MAGI2: variants seen among roughly 807,000 people sequenced by gnomAD.
The protein encoded by MAGI2 is membrane associated guanylate kinase, WW and PDZ domain containing 2.
A neutral mutation model predicts 133.3 loss-of-function variants in MAGI2; 35 were observed. That is an observed-to-expected ratio of 0.26 (90% confidence interval 0.20 to 0.35). MAGI2 has a LOEUF of 0.35. Ranked by LOEUF, MAGI2 falls within the 10% of genes least tolerant of loss-of-function variation. The pLI is 1.00. For synonymous variants in MAGI2, 729 were observed against 710.6 expected (o/e 1.03, Z -0.41); for missense variants, 1,636 against 1,863.4 (o/e 0.88, Z 2.25).
intron 3 of MAGI2, among the ~76,000 whole-genome samples, chr7:78,532,660 A>G (rs1320778631): frequency 1.3e-5 from 2 of 152,250 alleles, no homozygotes; most frequent in Non-Finnish European, 1.5e-5. Context: ...ACACAAACAT[A>G]AAGCCTACGT....
At chr7:78,784,012 A>G (rs1436939708) in intron 2 of MAGI2, among the ~76,000 whole-genome samples, 1 of 152,148 alleles carries the variant, frequency 6.6e-6, no homozygotes, top group East Asian at 1.9e-4. Flanking sequence ...AAAGAAGTTG[A>G]CATGTTTTTG....
intron 1 of MAGI2, among the ~76,000 whole-genome samples, chr7:79,134,337 CT>C (rs1193104132): frequency 2.0e-5 from 3 of 152,176 alleles, no homozygotes; most frequent in Non-Finnish European, 4.4e-5. Context: ...ATCAAACCCT[CT>C]TTAGTACTGA....
intron 5 of MAGI2, among the ~76,000 whole-genome samples, chr7:78,491,578 G>C (rs576252462): frequency 6.6e-6 from 1 of 152,196 alleles, no homozygotes. Flanking sequence ...ATCAACAGGA[G>C]AGCATGCCAG....
intron 1 of MAGI2, among the ~76,000 whole-genome samples, chr7:79,418,857 A>G (rs1339967079): frequency 1.5e-5 from 2 of 134,086 alleles, no homozygotes; most frequent in African/African-American, 3.4e-5. Flanking sequence ...ACACACACAC[A>G]CACACACACA....
chr7:78,502,562 A>T (rs1794716009), intron 4 of MAGI2, among the ~76,000 whole-genome samples: 1 of 133,414 alleles, frequency 7.5e-6, no homozygotes, highest in Admixed American at 7.5e-5. Context: ...CTTTCATAAT[A>T]GTATATTGTT....
intron 3 of MAGI2, among the ~76,000 whole-genome samples, chr7:78,614,109 A>G (rs1027620875): frequency 5.7e-5 from 1 of 17,614 alleles, no homozygotes; most frequent in African/African-American, 1.6e-4. Context: ...GACTTCATCT[A>G]AAAAAAAAAA....
At chr7:79,433,214 G>C (rs918346007) in intron 1 of MAGI2, among the ~76,000 whole-genome samples, 13 of 152,076 alleles carry the variant, frequency 8.5e-5, no homozygotes, top group Non-Finnish European at 1.9e-4. Context: ...TAGGGCAATG[G>C]GGTCTGACAG....
intron 6 of MAGI2, among the ~76,000 whole-genome samples, chr7:78,438,008 T>C (rs922344103): frequency 6.6e-6 from 1 of 152,186 alleles, no homozygotes; most frequent in African/African-American, 2.4e-5. Flanking sequence ...AACCAACAGT[T>C]TGTTATTAGT....
intron 2 of MAGI2, among the ~76,000 whole-genome samples, chr7:78,996,987 G>A (rs1279198647): frequency 6.6e-6 from 1 of 152,034 alleles, no homozygotes; most frequent in South Asian, 2.1e-4. Context: ...AAATAAAGAT[G>A]AGTTTAAAAA....
At position 79,119,088 on chromosome 7, in the gene MAGI2, A is replaced by T. The variant is rs115318758; in HGVS notation, c.302-111882T>A. On this transcript the variant is annotated intron_variant, in intron 1 of 21. Transcript: ENST00000354212. ...TTTATTTTCCCTATAAAAATACATA[A>T]ATATATAGATTCACTGTGCATAAAT... Among the ~76,000 whole-genome samples the T allele has an allele frequency of 2.7e-3, 418 of 152,240 alleles. 3 individuals are homozygous for T. The highest frequency in any genetic ancestry group is 9.5e-3 in the African/African-American group (394 of 41,574).
chr7:78,167,012 A>C (rs553217239), intron 15 of MAGI2, among the ~76,000 whole-genome samples: 2 of 152,106 alleles, frequency 1.3e-5, no homozygotes, highest in African/African-American at 2.4e-5. Flanking sequence ...GGTCCTTCCT[A>C]CTTCTAGTAT....
At chr7:78,444,402 G>A (rs972625695) in intron 6 of MAGI2, among the ~76,000 whole-genome samples, 7 of 151,952 alleles carry the variant, frequency 4.6e-5, no homozygotes, top group African/African-American at 1.7e-4. Flanking sequence ...GCTTTAGGTC[G>A]AGTTTTAATA....
chr7:79,298,425 C>T (rs12666243), intron 1 of MAGI2, among the ~76,000 whole-genome samples: 57,468 of 151,876 alleles, frequency 0.38, 12,040 homozygotes, highest in African/African-American at 0.54. Context: ...CTTTTAGGAA[C>T]AAGCTAGTGA....
chr7:78,983,808 C>G (rs1197794708), intron 2 of MAGI2, among the ~76,000 whole-genome samples: 1 of 151,870 alleles, frequency 6.6e-6, no homozygotes, highest in Non-Finnish European at 1.5e-5. Flanking sequence ...AATTGAAGTA[C>G]CTAGGGCTCA....
At chr7:78,951,314 T>C (rs1381685892) in intron 2 of MAGI2, among the ~76,000 whole-genome samples, 1 of 152,104 alleles carries the variant, frequency 6.6e-6, no homozygotes, top group African/African-American at 2.4e-5. Flanking sequence ...TCTGTTCAAA[T>C]GCTGCTATGA....
rs114110414 is a variant in MAGI2 at position 79,149,837 on chromosome 7, T to C, written c.302-142631A>G. Among the ~76,000 whole-genome samples the C allele has an allele frequency of 3.6e-3, 548 of 152,204 alleles. 3 individuals are homozygous for C. Among genetic ancestry groups the C allele is most frequent in the African/African-American group, 0.013 (520 of 41,534 alleles). On this transcript the variant is annotated intron_variant, in intron 1 of 21. Transcript: ENST00000354212. ...AAAGTCAGTAACTTAACAAAAAAAG[T>C]ATTATTTAGCAGAGTCTCAAATTTT...
At chr7:78,835,902 G>A (rs1202264966) in intron 2 of MAGI2, among the ~76,000 whole-genome samples, 1 of 152,154 alleles carries the variant, frequency 6.6e-6, no homozygotes, top group Non-Finnish European at 1.5e-5. Context: ...TTGGCCGTGG[G>A]TCAGCTTGCT....
chr7:78,794,700 A>G (rs939361138), intron 2 of MAGI2, among the ~76,000 whole-genome samples: 2 of 152,008 alleles, frequency 1.3e-5, no homozygotes, highest in Non-Finnish European at 2.9e-5. Context: ...AACATCATAT[A>G]TTTGTATCTT....
chr7:78,066,219 T>C (rs542102510), intron 21 of MAGI2, among the ~76,000 whole-genome samples: 9 of 152,226 alleles, frequency 5.9e-5, no homozygotes, highest in African/African-American at 2.2e-4. Context: ...CCTAGCACTC[T>C]GGGAGGCCGA....
Sources: allele counts gnomAD v4.1 joint callset (sites outside exome capture counted in the v4.1 genomes callset), GRCh38; gene constraint gnomAD v4.1.1; transcripts MANE v1.5; gene names NCBI Gene and HGNC (gene_info 2026-07-23, HGNC 2026-07-21).